The following SLC41A3 variants were observed in gnomAD, a reference collection of about 807,000 sequenced individuals.
SLC41A3 encodes the protein solute carrier family 41 member 3, also known as SLC41A1-like 2.
In SLC41A3, 44 loss-of-function variants were observed where a neutral mutation model predicts 45.4. The ratio of observed to expected loss-of-function variants is 0.97; its 90% CI spans 0.76 to 1.25. SLC41A3 has a LOEUF of 1.25. Ranked by LOEUF, SLC41A3 falls within the 50% of genes most tolerant of loss-of-function variation. The pLI is 0.00. For missense variants in SLC41A3, 550 were observed against 600.6 expected, an observed-to-expected ratio of 0.92 and a Z score of 0.88; for synonymous variants, 256 against 252.4, an observed-to-expected ratio of 1.01 and a Z score of -0.13.
upstream of SLC41A3, among the ~76,000 whole-genome samples, chr3:126,087,029 A>G (rs1945408529): frequency 1.3e-5 from 2 of 152,148 alleles, no homozygotes; most frequent in Non-Finnish European, 2.9e-5. Context: ...ATGTTCTAAG[A>G]ATTGTTAGTA....
At chr3:126,049,178 T>C (rs972396079) in intron 3 of SLC41A3, among the ~76,000 whole-genome samples, 14 of 151,522 alleles carry the variant, frequency 9.2e-5, no homozygotes, top group African/African-American at 3.4e-4. Context: ...ACGATCGTTG[T>C]AGAGAAGTGT....
intron 10 of SLC41A3, among the ~76,000 whole-genome samples, 178 bp from the exon 11 acceptor site, chr3:126,007,403 G>C (rs1229292893): frequency 6.6e-6 from 1 of 152,186 alleles, no homozygotes; most frequent in Non-Finnish European, 1.5e-5. Flanking sequence ...GCAGTGGCTA[G>C]AGAGGTGACC....
chr3:126,059,400 AAATG>A (rs1943937792), intron 2 of SLC41A3, among the ~76,000 whole-genome samples: 1 of 152,070 alleles, frequency 6.6e-6, no homozygotes, highest in South Asian at 2.1e-4. Flanking sequence ...CAGTCACTGC[AAATG>A]AATGAAGGAA....
chr3:126,057,650 A>C (rs1943758061), intron 2 of SLC41A3, among the ~76,000 whole-genome samples: 1 of 152,202 alleles, frequency 6.6e-6, no homozygotes, highest in Non-Finnish European at 1.5e-5. Context: ...CCCAGCCTGG[A>C]GTCCACTGCC....
intron 2 of SLC41A3, among the ~76,000 whole-genome samples, chr3:126,051,309 C>T (rs558680562): frequency 3.7e-4 from 57 of 152,360 alleles, no homozygotes; most frequent in African/African-American, 1.3e-3. Context: ...GGGTGGCAGC[C>T]ATGCTGCATG....
chr3:126,035,261 T>C (rs1027220072), intron 3 of SLC41A3, among the ~76,000 whole-genome samples: 6 of 152,186 alleles, frequency 3.9e-5, no homozygotes, highest in African/African-American at 9.7e-5. Context: ...GGATGAGTCA[T>C]CCCTGTGGAT....
rs970377210 is a variant in SLC41A3, at chr3:126,021,185, C to T, written c.745+1601G>A. 7.2e-5 allele frequency among the ~76,000 whole-genome samples: 11 copies of T among 152,242 alleles called. No homozygotes were observed. The East Asian group carries it at 7.8e-4, about 11-fold the overall frequency. ...CTGGGATTACAGGCGTGAGCCACCGCGCCTGGCCTGTTTAGAGTTTTTATA... is the reference window on the plus strand; with the variant it reads ...CTGGGATTACAGGCGTGAGCCACCGTGCCTGGCCTGTTTAGAGTTTTTATA... On this transcript the variant is annotated intron_variant, in intron 6 of 10. Transcript: ENST00000360370.
At position 126,007,204 on chromosome 3, in the gene SLC41A3, C is replaced by T. The variant is rs764307563; in HGVS notation, c.1276G>A (p.Ala426Thr). The change falls in exon 11 of 11, where the codon GCA becomes ACA. Residue 426 changes from alanine (A) to threonine (T), a missense_variant. Physicochemically the swap from Ala to Thr is moderately conservative, Grantham distance 58. Transcript: ENST00000360370. ...CAAGTCAGCCGAACCATCACTTCTG[C>T]GAGGTACAGCAGGATTGTCACCTGT... ...LIQVTILLYL[A>T]EVMVRLTWHQ... is the part of the protein sequence containing the mutation. 1 of 1,613,846 alleles carries T rather than the reference C, an allele frequency of 6.2e-7. No individual in the cohort carries two copies. Among genetic ancestry groups the T allele is most frequent in the Admixed American group, 1.7e-5 (1 of 59,990 alleles).
chr3:126,098,950 AT>A (rs1282718899), intron 1 of SLC41A3, among the ~76,000 whole-genome samples: 1 of 75,334 alleles, frequency 1.3e-5, no homozygotes, highest in Non-Finnish European at 2.7e-5. Context: ...TTTTTTTTGT[AT>A]TTTTTTGTAG....
chr3:126,079,248 G>A (rs1490734971), intron 1 of SLC41A3, among the ~76,000 whole-genome samples: 4 of 114,192 alleles, frequency 3.5e-5, no homozygotes, highest in African/African-American at 6.8e-5. Flanking sequence ...ACCCACACAC[G>A]ATCAGGGATT....
chr3:126,091,384 A>G (rs528235408), intron 1 of SLC41A3, among the ~76,000 whole-genome samples: 212 of 152,020 alleles, frequency 1.4e-3, no homozygotes, highest in African/African-American at 4.8e-3. Context: ...AAAGATTTAC[A>G]TTGGTCAGGC....
chr3:126,010,657 G>T (rs1939612337), intron 9 of SLC41A3, among the ~76,000 whole-genome samples: 2 of 152,238 alleles, frequency 1.3e-5, no homozygotes, highest in African/African-American at 4.8e-5. Flanking sequence ...ATCATCTCCT[G>T]TGGCTGGCAG....
intron 4 of SLC41A3, among the ~76,000 whole-genome samples, chr3:126,032,732 GTAC>G (rs1941894410): frequency 6.6e-6 from 1 of 152,164 alleles, no homozygotes; most frequent in Non-Finnish European, 1.5e-5. Flanking sequence ...ACAGTTAGAT[GTAC>G]TGGTTCTGGA....
intron 6 of SLC41A3, among the ~76,000 whole-genome samples, chr3:126,021,379 C>T (rs958213769): frequency 4.6e-5 from 7 of 152,168 alleles, no homozygotes; most frequent in Admixed American, 6.5e-5. Context: ...ACTGGTCCAG[C>T]GCTCCAGAGG....
chr3:126,088,509 C>A (rs1945435493), upstream of SLC41A3, among the ~76,000 whole-genome samples: 1 of 152,014 alleles, frequency 6.6e-6, no homozygotes, highest in South Asian at 2.1e-4. Flanking sequence ...GTTTATAAAA[C>A]ACAAGGATGT....
At chr3:126,043,750 T>A (rs1259900359) in intron 3 of SLC41A3, among the ~76,000 whole-genome samples, 2 of 149,256 alleles carry the variant, frequency 1.3e-5, no homozygotes, top group Non-Finnish European at 3.0e-5. Flanking sequence ...AAAGAAAACA[T>A]TTATAAAATA....
intron 6 of SLC41A3, among the ~76,000 whole-genome samples, chr3:126,018,919 T>C (rs1264326412): frequency 6.6e-6 from 1 of 152,254 alleles, no homozygotes; most frequent in East Asian, 1.9e-4. Context: ...TTTCCCTCTG[T>C]AAAAGGATTT....
chr3:126,078,890 A>G (rs1293783578), intron 1 of SLC41A3: 1 of 152,244 alleles, frequency 6.6e-6, no homozygotes, highest in African/African-American at 2.4e-5. Flanking sequence ...CCCAGCCTTG[A>G]CGTCAAGCTA....
chr3:126,087,378 A>G (rs1945413530), upstream of SLC41A3, among the ~76,000 whole-genome samples: 1 of 152,088 alleles, frequency 6.6e-6, no homozygotes, highest in Admixed American at 6.5e-5. Flanking sequence ...TTAATCAGGT[A>G]AAGGTAATGG....
Sources: allele counts gnomAD v4.1 joint callset (sites outside exome capture counted in the v4.1 genomes callset), GRCh38; gene constraint gnomAD v4.1.1; transcripts MANE v1.5; gene names NCBI Gene and HGNC (gene_info 2026-07-23, HGNC 2026-07-21).